The following CLDN19 variants were observed in gnomAD, a reference collection of about 807,000 sequenced individuals.
CLDN19 encodes claudin-19.
Under a neutral mutation model 24.5 loss-of-function variants are expected in CLDN19, and 19 were observed. That is an observed-to-expected ratio of 0.78 (90% confidence interval 0.54 to 1.14). The LOEUF (loss-of-function observed/expected upper bound fraction) is 1.14. Ranked by LOEUF, CLDN19 falls within the 50% of genes most tolerant of loss-of-function variation. The pLI, the probability that CLDN19 is intolerant of heterozygous loss-of-function variation, is 0.00. For synonymous variants in CLDN19, 117 were observed against 129.6 expected (o/e 0.90, Z 0.66); for missense variants, 250 against 295.9 (o/e 0.84, Z 1.14).
Position 42,735,035 on chromosome 1 carries a change from AACAC to A in CLDN19, c.*47_*50del. ...CACTTCTCTTTCCAAAAAAATATGA[AACAC>A]ACAGTCTAGGTATGGCAGGGGACAG... On this transcript the variant is annotated 3_prime_UTR_variant, in exon 5 of 5. Coordinates refer to ENST00000296387, the MANE Select transcript of CLDN19 (RefSeq NM_148960.3). 7.1e-7 allele frequency: 1 copy of A among 1,407,842 alleles called. No individual in the cohort carries two copies. Among genetic ancestry groups the A allele is most frequent in the Non-Finnish European group, 1.0e-6 (1 of 994,210 alleles). 87.2% of individuals were successfully genotyped at this position (1,407,842 alleles called of 1,614,324 possible).
chr1:42,735,690 G>C, intron 4 of CLDN19, 188 bp downstream of exon 4: 1 of 1,448,598 alleles, frequency 6.9e-7, no homozygotes, highest in Non-Finnish European at 9.1e-7. Context: ...CCTGCCTCTG[G>C]TGTCTCTCTG....
chr1:42,738,562 G>GGT lies in CLDN19; in HGVS notation c.246_247insAC (p.Leu83ThrfsTer2). On this transcript the variant is annotated frameshift_variant, in exon 2 of 5. Coordinates refer to ENST00000296387, the MANE Select transcript of CLDN19 (RefSeq NM_148960.3). LOFTEE classifies it high-confidence loss of function. ...CCCAGGAGCACGGCCACCACCATCA[G>GGT]GGCCCGCGCTGATTGGATGTGACCT... 6.2e-7 allele frequency: 1 copy of GGT among 1,613,860 alleles called. No homozygotes were observed.
intron 3 of CLDN19, among the ~76,000 whole-genome samples, chr1:42,737,803 C>G (rs1651417507): frequency 6.6e-6 from 1 of 152,202 alleles, no homozygotes; most frequent in Non-Finnish European, 1.5e-5. Context: ...CTGCCTCTGC[C>G]TCCCGAGTAG....
At chr1:42,739,767 T>G in intron 1 of CLDN19, 74 bp downstream of exon 1, 1 of 1,255,882 alleles carries the variant, frequency 8.0e-7, no homozygotes, top group Non-Finnish European at 1.1e-6. Flanking sequence ...GATAGCAGAC[T>G]GTGAGGAAAA....
intron 3 of CLDN19, 121 bp from the exon 4 acceptor site, chr1:42,736,151 T>A (rs1040013220): frequency 1.4e-5 from 9 of 643,696 alleles, no homozygotes; most frequent in African/African-American, 1.3e-4. Flanking sequence ...CACAACCTCT[T>A]CCATATCTCC....
chr1:42,738,474 G>A lies in CLDN19; in HGVS notation c.335C>T (p.Pro112Leu), dbSNP rs867064302. ...MKCTRVGDSN[P>L]IAKGRVAIAG... ...GATGGCAACACGGCCCTTGGCAATGGGGTTGCTGTCTCCCACCCGCGTACA... is the reference window on the plus strand; with the variant it reads ...GATGGCAACACGGCCCTTGGCAATGAGGTTGCTGTCTCCCACCCGCGTACA... The change falls in exon 2 of 5, where the codon CCC becomes CTC. Residue 112 changes from proline to leucine, a missense_variant. Transcript: ENST00000296387. 20 of 1,613,904 alleles carry A rather than the reference G, an allele frequency of 1.2e-5. No homozygotes were observed. The Middle Eastern group carries it at 8.2e-4, about 66-fold the overall frequency.
intron 4 of CLDN19, 72 bp downstream of exon 4, chr1:42,735,806 A>T: frequency 1.3e-6 from 2 of 1,548,496 alleles, no homozygotes; most frequent in Non-Finnish European, 1.7e-6. Context: ...GGGTGCTGCG[A>T]GGCTGGCTGG....
intron 4 of CLDN19, chr1:42,735,508 GCTCTAT>G (rs1226928582): frequency 5.0e-6 from 7 of 1,414,058 alleles, no homozygotes; most frequent in Non-Finnish European, 6.4e-6. Context: ...CTTGGCCACT[GCTCTAT>G]CTCTAGGGCC....
In CLDN19 at chr1:42,740,135, G is replaced by T; in HGVS notation, c.-72C>A. On this transcript the variant is annotated 5_prime_UTR_variant, in exon 1 of 5. Coordinates refer to ENST00000296387, the MANE Select transcript of CLDN19 (RefSeq NM_148960.3). The stretch of plus-strand genomic sequence containing the variant: ...GGGTGCCAGCAGGGGCTTTGGTCAT[G>T]GCCAGGTGGGAGGAGCAGCTGGGCA... 2.5e-6 allele frequency: 3 copies of T among 1,190,824 alleles called. No individual in the cohort carries two copies. The highest frequency in any genetic ancestry group is 3.6e-6 in the Non-Finnish European group (3 of 829,386). 73.8% of individuals were successfully genotyped at this position (1,190,824 alleles called of 1,614,324 possible).
chr1:42,738,368 G>A, intron 2 of CLDN19, 53 bp downstream of exon 2: 7 of 1,613,554 alleles, frequency 4.3e-6, no homozygotes, highest in Non-Finnish European at 5.9e-6. Context: ...GAGGCCACTG[G>A]GGCTGGGGCT....
At chr1:42,737,528 C>T (rs926352537) in intron 3 of CLDN19, among the ~76,000 whole-genome samples, 7 of 152,218 alleles carry the variant, frequency 4.6e-5, no homozygotes, top group Admixed American at 1.3e-4. Flanking sequence ...GGCCCGGGCA[C>T]GGTGCCACAC....
Position 42,738,449 on chromosome 1 carries a change from G to T in CLDN19, c.360C>A (p.Ile120=). Residue 120 remains isoleucine, a synonymous_variant, in exon 2 of 5, where the codon ATC becomes ATA. Transcript: ENST00000296387. The part of the protein sequence containing the change: ...SNPIAKGRVA[I]AGGALFILAG... ...CCAGGATGAAGAGGGCTCCCCCGGC[G>T]ATGGCAACACGGCCCTTGGCAATGG... is the stretch of plus-strand genomic sequence containing the variant. 1 of 1,614,062 alleles carries T rather than the reference G, an allele frequency of 6.2e-7. No homozygotes were observed.
At chr1:42,735,851 G>A (rs866665590) in intron 4 of CLDN19, 27 bp downstream of exon 4, 1 of 1,565,294 alleles carries the variant, frequency 6.4e-7, no homozygotes, top group Non-Finnish European at 8.7e-7. Context: ...TGGGGGGCTG[G>A]CCAGGGCAGG....
intron 3 of CLDN19, 79 bp downstream of exon 3, chr1:42,738,150 C>G: frequency 8.4e-7 from 1 of 1,194,474 alleles, no homozygotes; most frequent in Non-Finnish European, 1.3e-6. Context: ...GTCCCCACTT[C>G]CCCCGCCAGG....
chr1:42,736,049 G>A lies in CLDN19; in HGVS notation c.474-19C>T. 2 of 1,511,000 alleles carry A rather than the reference G, an allele frequency of 1.3e-6. No individual in the cohort carries two copies. The highest frequency in any genetic ancestry group is 1.8e-6 in the Non-Finnish European group (2 of 1,104,902). 93.6% of individuals were successfully genotyped at this position (1,511,000 alleles called of 1,614,324 possible). A position where few individuals can be genotyped will look rare whatever the true frequency, so the allele number is the denominator to read the frequency against. ...TTCATACCTGCAAGGGGTAGGGAGAGTGGCATCAGGTGTGGCTGCCGTCTC... is the reference window on the plus strand; with the variant it reads ...TTCATACCTGCAAGGGGTAGGGAGAATGGCATCAGGTGTGGCTGCCGTCTC... On this transcript the variant is annotated intron_variant, in intron 3 of 4. Coordinates refer to ENST00000296387, the MANE Select transcript of CLDN19 (RefSeq NM_148960.3).
chr1:42,733,537 G>C lies in CLDN19; in HGVS notation c.*1549C>G, dbSNP rs556016559. On this transcript the variant is annotated 3_prime_UTR_variant, in exon 5 of 5. Transcript: ENST00000296387. ...GTCCACCCAGACCAATGAAATAAGA[G>C]TGTCTGGGGTTGGAGCCTAGGCATT... 6.6e-6 allele frequency: 1 copy of C among 152,296 alleles called. No individual in the cohort carries two copies. Among genetic ancestry groups the C allele is most frequent in the Non-Finnish European group, 1.5e-5 (1 of 68,090 alleles). The allele number at this position is 152,296 out of a possible 1,614,324, so 9.4% of individuals were successfully genotyped here.
rs1285502726 is a variant in CLDN19 at position 42,740,133 on chromosome 1, A to G, written c.-70T>C. The G allele has an allele frequency of 2.0e-5, 24 of 1,224,342 alleles. No homozygotes were observed. Among genetic ancestry groups the G allele is most frequent in the Middle Eastern group, 2.5e-4 (1 of 4,078 alleles). The allele number at this position is 1,224,342 out of a possible 1,614,324, so 75.8% of individuals were successfully genotyped here. ...CAGGGTGCCAGCAGGGGCTTTGGTC[A>G]TGGCCAGGTGGGAGGAGCAGCTGGG... On this transcript the variant is annotated 5_prime_UTR_variant, in exon 1 of 5. The change abolishes an upstream ATG in the 5' untranslated region. Transcript: ENST00000296387.
intron 3 of CLDN19, among the ~76,000 whole-genome samples, chr1:42,737,725 C>T (rs1053185430): frequency 6.6e-6 from 1 of 152,232 alleles, no homozygotes; most frequent in African/African-American, 2.4e-5. Flanking sequence ...CTCTGTCACC[C>T]AGACTGGAGT....
intron 4 of CLDN19, chr1:42,735,459 G>A: frequency 2.1e-6 from 3 of 1,412,042 alleles, no homozygotes; most frequent in Non-Finnish European, 2.8e-6. Flanking sequence ...GAGGGTGAAG[G>A]TTTCTGCTCA....
Sources: gnomAD v4.1 joint callset for allele counts (sites outside exome capture counted in the v4.1 genomes callset) on GRCh38, gnomAD v4.1.1 for gene constraint, MANE v1.5 for transcripts, NCBI Gene and HGNC (gene_info 2026-07-23, HGNC 2026-07-21) for gene names.